The following SHBG variants were observed in gnomAD, a reference collection of about 807,000 sequenced individuals.
SHBG encodes the protein sex hormone-binding globulin.
SHBG carries 37 observed loss-of-function variants against 41.9 expected under a neutral mutation model. That is an observed-to-expected ratio of 0.88 (90% CI 0.68 to 1.16). The LOEUF is 1.16. Among genes scored for constraint, SHBG ranks in the 50% most tolerant of loss-of-function variants. The pLI is 0.00. For missense variants in SHBG, 466 were observed against 499.9 expected, an observed-to-expected ratio of 0.93 and a Z score of 0.65; for synonymous variants, 217 against 205.8, an observed-to-expected ratio of 1.05 and a Z score of -0.47.
intron 1 of SHBG, among the ~76,000 whole-genome samples, chr17:7,615,918 C>T (rs2071976164): frequency 6.6e-6 from 1 of 152,046 alleles, no homozygotes; most frequent in Non-Finnish European, 1.5e-5. Flanking sequence ...TCCTGTAATC[C>T]CAGCACTTTA....
chr17:7,629,127 C>T (rs1349175390), upstream of SHBG, among the ~76,000 whole-genome samples: 2 of 151,662 alleles, frequency 1.3e-5, no homozygotes, highest in Non-Finnish European at 2.9e-5. Context: ...AATCCAGGTA[C>T]TTTGGGAGGC....
At chr17:7,629,205 C>A (rs997608366), upstream of SHBG, among the ~76,000 whole-genome samples, 3 of 151,776 alleles carry the variant, frequency 2.0e-5, no homozygotes, top group Non-Finnish European at 4.4e-5. Flanking sequence ...AAATCCCCGT[C>A]TCTACTAAAA....
upstream of SHBG, chr17:7,630,060 T>C: frequency 1.1e-6 from 1 of 883,638 alleles, no homozygotes; most frequent in Non-Finnish European, 1.9e-6. This position sits in a 1 kb window ranked among gnomAD's most constrained non-coding sequence, Gnocchi z 4.6. Flanking sequence ...CTGTTTCCTT[T>C]ACCCCCTCCT....
chr17:7,627,353 G>A (rs377569695), upstream of SHBG: 4 of 1,614,088 alleles, frequency 2.5e-6, no homozygotes, highest in Non-Finnish European at 8.5e-7. The surrounding 1 kb of genome is among the most constrained non-coding windows in gnomAD (Gnocchi z 4.8). Context: ...CCTGGGCGCT[G>A]AGCCCCCACC....
chr17:7,614,622 G>T (rs917949329), intron 1 of SHBG: 1 of 738,412 alleles, frequency 1.4e-6, no homozygotes, highest in Non-Finnish European at 1.9e-6. Flanking sequence ...CTCCCCGGAG[G>T]AGGAGCCGGA....
At chr17:7,626,906 C>G (rs773660679), upstream of SHBG, 1 of 1,596,982 alleles carries the variant, frequency 6.3e-7, no homozygotes, top group South Asian at 1.1e-5. Context: ...CTGTGGGGTG[C>G]TTTGCTCCCA....
At chr17:7,614,507 TC>T in intron 1 of SHBG, 47 of 1,519,072 alleles carry the variant, frequency 3.1e-5, no homozygotes, top group Admixed American at 1.2e-4. Context: ...CGGCTCCACA[TC>T]CCCCCCAGAG....
Position 7,630,222 on chromosome 17 carries a change from T to C in SHBG, c.50T>C (p.Leu17Pro), listed in dbSNP as rs527337385. Residue 17 changes from leucine to proline, a missense_variant, in exon 1 of 8, where the codon CTG (leucine) becomes CCG (proline). Leu to Pro is a moderately conservative substitution (Grantham distance 98, BLOSUM62 -3). Transcript: ENST00000380450. This position sits in a 1 kb window ranked among gnomAD's most constrained non-coding sequence, Gnocchi z 4.6. ...LATSRLLLLL[L>P]LLLLRHTRQG... ...ACCTCGCGCCTGCTGCTGTTGCTGC[T>C]GTTGCTACTACTGCGTCACACCCGC... 20 of 1,613,108 alleles carry C rather than the reference T, an allele frequency of 1.2e-5. No individual in the cohort carries two copies. The South Asian group carries it at 2.2e-4, about 18-fold the overall frequency.
chr17:7,630,683 CT>C lies in SHBG; in HGVS notation c.208del (p.Ser70ProfsTer14). On this transcript the variant is annotated frameshift_variant, in exon 3 of 8. Coordinates refer to ENST00000380450, the MANE Select transcript of SHBG (RefSeq NM_001040.5). LOFTEE classifies it high-confidence loss of function. The surrounding 1 kb of genome is among the most constrained non-coding windows in gnomAD (Gnocchi z 4.6). ...CTTTCCTTCTGTGTCCTTCCAGAAC[CT>C]CCTCCTCCTTTGAGGTTCGAACCTG... ...TFDLTKITKT[S>X]SSFEVRTWDP... 1 of 1,613,276 alleles carries C rather than the reference CT, an allele frequency of 6.2e-7. No homozygotes were observed. Among genetic ancestry groups the C allele is most frequent in the Non-Finnish European group, 8.5e-7 (1 of 1,179,360 alleles).
upstream of SHBG, chr17:7,626,411 G>T (rs778299528): frequency 6.2e-7 from 1 of 1,609,996 alleles, no homozygotes; most frequent in South Asian, 1.1e-5. Context: ...GATGGGGAAG[G>T]AGAAACTCAA....
intron 1 of SHBG, chr17:7,614,155 G>A (rs1309668221): frequency 3.2e-6 from 2 of 624,556 alleles, no homozygotes; most frequent in East Asian, 6.6e-5. Flanking sequence ...TTAGAAGCTG[G>A]GTAAAGGGGT....
At chr17:7,616,043 T>C (rs1438257219) in intron 1 of SHBG, among the ~76,000 whole-genome samples, 1 of 152,038 alleles carries the variant, frequency 6.6e-6, no homozygotes, top group Non-Finnish European at 1.5e-5. Context: ...GGCTCAGGCC[T>C]GTAATCCCAG....
At chr17:7,616,308 T>C (rs2071985444) in intron 1 of SHBG, among the ~76,000 whole-genome samples, 1 of 143,396 alleles carries the variant, frequency 7.0e-6, no homozygotes, top group African/African-American at 2.6e-5. Context: ...AAATTTCTTC[T>C]TTAAAAATAA....
chr17:7,614,434 G>A, intron 1 of SHBG: 7 of 1,514,088 alleles, frequency 4.6e-6, no homozygotes, highest in South Asian at 1.2e-5. Flanking sequence ...GGCGTCCCCA[G>A]TCGGCGCGCC....
intron 1 of SHBG, among the ~76,000 whole-genome samples, chr17:7,622,565 G>C (rs747167222): frequency 1.3e-5 from 2 of 152,036 alleles, no homozygotes; most frequent in African/African-American, 4.8e-5. Flanking sequence ...GAGCCACTGC[G>C]CCTGGCCTGG....
rs2150957726 is a variant in SHBG at position 7,621,413 on chromosome 17, A to G, written c.-62+7302A>G. Among the ~76,000 whole-genome samples, 2 of 133,470 alleles carry G rather than the reference A, an allele frequency of 1.5e-5. 1 individual carries two copies. The highest frequency in any genetic ancestry group is 4.4e-4 in the East Asian group (2 of 4,568). 87.6% of individuals were successfully genotyped at this position (133,470 alleles called of 152,430 possible). A position where few individuals can be genotyped will look rare whatever the true frequency, so the allele number is the denominator to read the frequency against. On this transcript the variant is annotated intron_variant, in intron 1 of 5. Coordinates refer to the SHBG transcript ENST00000570547. ...GGAGTTTGAGACCAGCCTGGCCAAC[A>G]TGGTGAAAACCCATCTCTACTAAAA...
upstream of SHBG, chr17:7,630,072 C>A (rs2072347362): frequency 1.0e-6 from 1 of 995,604 alleles, no homozygotes; most frequent in South Asian, 1.3e-5. The surrounding 1 kb of genome is among the most constrained non-coding windows in gnomAD (Gnocchi z 4.6). Context: ...CCCCCTCCTC[C>A]CCGGGCAACC....
upstream of SHBG, among the ~76,000 whole-genome samples, chr17:7,629,802 G>A (rs1326941751): frequency 6.6e-6 from 1 of 152,182 alleles, no homozygotes; most frequent in African/African-American, 2.4e-5. Flanking sequence ...TGGGACGCAG[G>A]GGAGGACTGT....
At chr17:7,629,213 A>AT (rs1343496884), upstream of SHBG, among the ~76,000 whole-genome samples, 3 of 151,834 alleles carry the variant, frequency 2.0e-5, no homozygotes, top group African/African-American at 7.3e-5. Context: ...GTCTCTACTA[A>AT]AAACACAAAA....
Sources: gnomAD v4.1 joint callset for allele counts (sites outside exome capture counted in the v4.1 genomes callset) on GRCh38, gnomAD v4.1.1 for gene constraint, Gnocchi (gnomAD v3.1) non-coding constraint, MANE v1.5 for transcripts, NCBI Gene and HGNC (gene_info 2026-07-23, HGNC 2026-07-21) for gene names.